The following KCNK13 variants were observed in gnomAD, a reference collection of about 807,000 sequenced individuals.
KCNK13 encodes the protein potassium channel subfamily K member 13.
Under a neutral mutation model 23.4 loss-of-function variants are expected in KCNK13, and 12 were observed. The ratio of observed to expected loss-of-function variants is 0.51; its 90% CI spans 0.33 to 0.83. The LOEUF is 0.83. KCNK13 is among the 40% of genes least tolerant of loss of function. The pLI is 0.02. For missense variants in KCNK13, 463 were observed against 556.3 expected, an observed-to-expected ratio of 0.83 and a Z score of 1.69; for synonymous variants, 231 against 229.5, an observed-to-expected ratio of 1.01 and a Z score of -0.06.
At chr14:90,155,435 G>T (rs1045916467) in intron 1 of KCNK13, among the ~76,000 whole-genome samples, 1 of 152,182 alleles carries the variant, frequency 6.6e-6, no homozygotes, top group Non-Finnish European at 1.5e-5. Flanking sequence ...GGGGGCCAAT[G>T]GAGAGTTTGG....
chr14:90,141,794 T>TC (rs60315935), intron 1 of KCNK13, among the ~76,000 whole-genome samples: 1 of 125,546 alleles, frequency 8.0e-6, no homozygotes, highest in Admixed American at 8.5e-5. Context: ...TTTTGTTTTT[T>TC]GGGGGGGGGG....
chr14:90,115,370 C>A (rs1265516927), intron 1 of KCNK13, among the ~76,000 whole-genome samples: 2 of 152,170 alleles, frequency 1.3e-5, no homozygotes, highest in Non-Finnish European at 2.9e-5. Flanking sequence ...CACAAAGCAC[C>A]AAGGGCCCTA....
intron 1 of KCNK13, among the ~76,000 whole-genome samples, chr14:90,165,953 C>A (rs921059053): frequency 6.6e-6 from 1 of 152,066 alleles, no homozygotes; most frequent in African/African-American, 2.4e-5. Context: ...CCCATGCAGC[C>A]GATTTTTGTT....
intron 1 of KCNK13, among the ~76,000 whole-genome samples, chr14:90,181,104 C>T (rs1890480328): frequency 6.6e-6 from 1 of 152,206 alleles, no homozygotes; most frequent in Non-Finnish European, 1.5e-5. Flanking sequence ...ATCCGCCCAC[C>T]TCGGCCTCCC....
intron 1 of KCNK13, among the ~76,000 whole-genome samples, chr14:90,072,177 A>G (rs1472512602): frequency 6.6e-6 from 1 of 152,158 alleles, no homozygotes; most frequent in Non-Finnish European, 1.5e-5. Flanking sequence ...GACCTTCAGC[A>G]TACCTACTGC....
intron 1 of KCNK13, among the ~76,000 whole-genome samples, chr14:90,081,979 T>A (rs1889218231): frequency 6.6e-6 from 1 of 152,210 alleles, no homozygotes; most frequent in Non-Finnish European, 1.5e-5. Context: ...CATATTTTGA[T>A]GCAGTGTGAA....
Position 90,184,079 on chromosome 14 carries a change from T to C in KCNK13, c.335-32T>C. 1 of 1,588,038 alleles carries C rather than the reference T, an allele frequency of 6.3e-7. No homozygotes were observed. Among genetic ancestry groups the C allele is most frequent in the Non-Finnish European group, 8.6e-7 (1 of 1,164,968 alleles). On this transcript the variant is annotated intron_variant, in intron 1 of 1. Coordinates refer to ENST00000282146, the MANE Select transcript of KCNK13 (RefSeq NM_022054.4). This position sits in a 1 kb window ranked among gnomAD's most constrained non-coding sequence, Gnocchi z 5.6. ...AGACCCCATTCACAGCAAAGATTTC[T>C]CTTACTCTTCTCTCATTTTTCTCTC...
intron 1 of KCNK13, among the ~76,000 whole-genome samples, chr14:90,180,379 T>C (rs978869471): frequency 2.0e-5 from 3 of 152,050 alleles, no homozygotes; most frequent in African/African-American, 7.2e-5. Flanking sequence ...ATTATGGGGC[T>C]CAAAAAAGGG....
intron 1 of KCNK13, among the ~76,000 whole-genome samples, chr14:90,172,781 A>G (rs1315201683): frequency 1.3e-5 from 2 of 152,244 alleles, no homozygotes; most frequent in Non-Finnish European, 2.9e-5. Flanking sequence ...TAAAGAGGTT[A>G]CTATTAAGCA....
intron 1 of KCNK13, among the ~76,000 whole-genome samples, chr14:90,179,752 T>C (rs2140448632): frequency 6.6e-6 from 1 of 152,334 alleles, no homozygotes; most frequent in South Asian, 2.1e-4. Context: ...GTCAGTTTCA[T>C]TTGTATACCT....
chr14:90,105,573 C>T (rs1373349190), intron 1 of KCNK13, among the ~76,000 whole-genome samples: 1 of 152,072 alleles, frequency 6.6e-6, no homozygotes, highest in Non-Finnish European at 1.5e-5. Context: ...GTTGAGGGTA[C>T]TAGGGTACTC....
At chr14:90,083,973 A>G (rs1160667629) in intron 1 of KCNK13, among the ~76,000 whole-genome samples, 1 of 152,222 alleles carries the variant, frequency 6.6e-6, no homozygotes, top group Non-Finnish European at 1.5e-5. Context: ...CTTGACAAAA[A>G]TCAATTAACC....
chr14:90,153,873 C>T (rs8011052), intron 1 of KCNK13, among the ~76,000 whole-genome samples: 9,885 of 152,246 alleles, frequency 0.065, 416 homozygotes, highest in South Asian at 0.21. Flanking sequence ...TGACACCTGG[C>T]AGCCCCCATC....
intron 1 of KCNK13, among the ~76,000 whole-genome samples, chr14:90,078,417 CAAA>C (rs1238686860): frequency 5.0e-5 from 3 of 60,462 alleles, no homozygotes; most frequent in Admixed American, 2.1e-4. Context: ...AAGACAGTCT[CAAA>C]AAAAAAAAAA....
intron 1 of KCNK13, among the ~76,000 whole-genome samples, chr14:90,165,301 G>T (rs1890291000): frequency 6.6e-6 from 1 of 152,144 alleles, no homozygotes; most frequent in African/African-American, 2.4e-5. Context: ...TGCTGATCAG[G>T]GTGGGGCTGG....
At chr14:90,091,998 T>TG (rs1329704624) in intron 1 of KCNK13, among the ~76,000 whole-genome samples, 2 of 150,858 alleles carry the variant, frequency 1.3e-5, no homozygotes, top group African/African-American at 4.9e-5. Flanking sequence ...CTCAGCTCAC[T>TG]GCAGGCTCTG....
chr14:90,095,531 C>T (rs1228804098), intron 1 of KCNK13, among the ~76,000 whole-genome samples: 1 of 151,998 alleles, frequency 6.6e-6, no homozygotes, highest in South Asian at 2.1e-4. Flanking sequence ...TGGGTGAAGA[C>T]CCCAGAAGGG....
At chr14:90,068,406 C>T (rs1218650970) in intron 1 of KCNK13, among the ~76,000 whole-genome samples, 4 of 151,960 alleles carry the variant, frequency 2.6e-5, no homozygotes, top group Non-Finnish European at 5.9e-5. Context: ...ACCAGCCTGG[C>T]CAACATGGCG....
At chr14:90,110,115 C>G (rs1889596833) in intron 1 of KCNK13, among the ~76,000 whole-genome samples, 1 of 152,186 alleles carries the variant, frequency 6.6e-6, no homozygotes, top group African/African-American at 2.4e-5. Flanking sequence ...TTCCTGAATG[C>G]CCTGTAGGGG....
Sources: gnomAD v4.1 joint callset for allele counts (sites outside exome capture counted in the v4.1 genomes callset) on GRCh38, gnomAD v4.1.1 for gene constraint, Gnocchi (gnomAD v3.1) non-coding constraint, MANE v1.5 for transcripts, NCBI Gene and HGNC (gene_info 2026-07-23, HGNC 2026-07-21) for gene names.